SLC24A2: variants seen among roughly 807,000 people sequenced by gnomAD.
The protein encoded by SLC24A2 is solute carrier family 24 member 2, also known as sodium/potassium/calcium exchanger 2.
SLC24A2 carries 36 observed loss-of-function variants against 62.0 expected under a neutral mutation model. The observed-to-expected ratio is 0.58, with a 90% CI of 0.44 to 0.77. The LOEUF (loss-of-function observed/expected upper bound fraction) is 0.77, where lower values mean the gene tolerates loss of function less well. SLC24A2 is among the 30% of genes least tolerant of loss of function. The pLI is 0.00. For synonymous variants in SLC24A2, 358 were observed against 294.0 expected, an observed-to-expected ratio of 1.22 and a Z score of -2.23; for missense variants, 846 against 817.9, an observed-to-expected ratio of 1.03 and a Z score of -0.42.
chr9:19,790,774 T>G (rs1823309728), upstream of SLC24A2, among the ~76,000 whole-genome samples: 1 of 152,212 alleles, frequency 6.6e-6, no homozygotes, highest in Non-Finnish European at 1.5e-5. Flanking sequence ...CCTGCCTTTG[T>G]CTACTTTCCT....
At chr9:20,015,502 A>C in the SLC24A2 span, among the ~76,000 whole-genome samples, 2 of 152,332 alleles carry the variant, frequency 1.3e-5, no homozygotes, top group East Asian at 3.9e-4. Flanking sequence ...GAGAGTAAAT[A>C]TGTCTGCTGC....
chr9:19,658,761 G>A (rs79024571), intron 2 of SLC24A2, among the ~76,000 whole-genome samples: 3,539 of 152,278 alleles, frequency 0.023, 51 homozygotes, highest in Middle Eastern at 0.044. Context: ...CAGAGGTTGG[G>A]AGGAGAGAGA....
intron 2 of SLC24A2, among the ~76,000 whole-genome samples, chr9:19,748,735 C>T (rs1272016914): frequency 6.6e-6 from 1 of 151,912 alleles, no homozygotes; most frequent in Non-Finnish European, 1.5e-5. Context: ...CTAAAGACAT[C>T]CTCCTGGCTT....
intron 8 of SLC24A2, among the ~76,000 whole-genome samples, chr9:19,532,540 T>C (rs746362795): frequency 6.6e-6 from 1 of 152,230 alleles, no homozygotes; most frequent in Non-Finnish European, 1.5e-5. Context: ...CAATCTGTGA[T>C]TGTTTGAATG....
chr9:19,678,856 A>AT (rs1819631570), intron 2 of SLC24A2, among the ~76,000 whole-genome samples: 1 of 152,220 alleles, frequency 6.6e-6, no homozygotes, highest in African/African-American at 2.4e-5. Context: ...GCTAGGTGGG[A>AT]TAAAAAAATC....
At position 19,528,134 on chromosome 9, in the gene SLC24A2, G is replaced by T; in HGVS notation, c.1484C>A (p.Ser495Ter). The change falls in exon 9 of 11, where the codon TCG becomes TAG. Residue 495 changes from serine to a stop codon, truncating the protein, a stop_gained. Coordinates refer to ENST00000341998, the MANE Select transcript of SLC24A2 (RefSeq NM_020344.4). LOFTEE classifies it high-confidence loss of function. ...GAACGTGATGGGAAAAAACTTCCTC[G>T]ATGACTGAAAGACAACCAGGAAGAG... is the stretch of plus-strand genomic sequence containing the variant. ...ITLPDVRKPS[S>*]RKFFPITFFG... 1 of 1,575,420 alleles carries T rather than the reference G, an allele frequency of 6.3e-7. No homozygotes were observed. The highest frequency in any genetic ancestry group is 8.6e-7 in the Non-Finnish European group (1 of 1,156,218).
chr9:19,813,967 C>G, the SLC24A2 span, among the ~76,000 whole-genome samples: 1 of 152,134 alleles, frequency 6.6e-6, no homozygotes, highest in African/African-American at 2.4e-5. Context: ...ATTAGCTACC[C>G]AAGGTCATAG....
At chr9:20,157,376 C>T in the SLC24A2 span, among the ~76,000 whole-genome samples, 12 of 151,692 alleles carry the variant, frequency 7.9e-5, no homozygotes, top group African/African-American at 2.7e-4. Flanking sequence ...TCCATTGGCA[C>T]TATATTCTCA....
chr9:19,732,967 A>AAT (rs1438919155), intron 2 of SLC24A2, among the ~76,000 whole-genome samples: 1 of 152,176 alleles, frequency 6.6e-6, no homozygotes, highest in Admixed American at 6.5e-5. Flanking sequence ...ATAAATGAGT[A>AAT]ATAGCTAGAG....
intron 2 of SLC24A2, among the ~76,000 whole-genome samples, chr9:19,761,545 G>A (rs199691894): frequency 9.3e-5 from 14 of 151,120 alleles, no homozygotes; most frequent in African/African-American, 2.4e-4. Context: ...GGTTTGTTAC[G>A]TATGTATACA....
chr9:19,720,332 A>G (rs1166517311), intron 2 of SLC24A2, among the ~76,000 whole-genome samples: 1 of 152,144 alleles, frequency 6.6e-6, no homozygotes, highest in Non-Finnish European at 1.5e-5. Context: ...AACCACACTG[A>G]TCTGGGGCTT....
chr9:19,988,297 G>A, the SLC24A2 span, among the ~76,000 whole-genome samples: 4 of 152,192 alleles, frequency 2.6e-5, no homozygotes, highest in East Asian at 3.9e-4. Flanking sequence ...GCCCCAGATG[G>A]TCAGTCTGGG....
At chr9:19,838,881 T>C in the SLC24A2 span, among the ~76,000 whole-genome samples, 3 of 151,206 alleles carry the variant, frequency 2.0e-5, no homozygotes, top group Admixed American at 6.6e-5. Context: ...AAAGCCGAAA[T>C]TGACAAATGA....
chr9:20,267,591 G>A, the SLC24A2 span, among the ~76,000 whole-genome samples: 4 of 152,290 alleles, frequency 2.6e-5, no homozygotes, highest in East Asian at 1.9e-4. Context: ...GGCATTGGAT[G>A]CCTCACCTTT....
the SLC24A2 span, among the ~76,000 whole-genome samples, chr9:19,872,951 ATTG>A: frequency 1.3e-5 from 2 of 152,206 alleles, no homozygotes; most frequent in Non-Finnish European, 2.9e-5. Flanking sequence ...TAAATTCAAG[ATTG>A]TTAAGAGATC....
At chr9:19,974,834 G>C in the SLC24A2 span, among the ~76,000 whole-genome samples, 2 of 152,176 alleles carry the variant, frequency 1.3e-5, no homozygotes, top group Admixed American at 1.3e-4. Context: ...AATATGCAAA[G>C]GCTGCAAAAT....
chr9:20,164,310 A>C, the SLC24A2 span, among the ~76,000 whole-genome samples: 4 of 152,090 alleles, frequency 2.6e-5, no homozygotes, highest in African/African-American at 9.7e-5. Context: ...ACCCCATCAA[A>C]AAGTGGGCAA....
At chr9:20,105,487 T>C in the SLC24A2 span, among the ~76,000 whole-genome samples, 34 of 151,900 alleles carry the variant, frequency 2.2e-4, no homozygotes, top group South Asian at 3.1e-3. Context: ...ACAGAAATTA[T>C]AACAAACTGT....
chr9:19,980,499 G>A, the SLC24A2 span, among the ~76,000 whole-genome samples: 1 of 152,104 alleles, frequency 6.6e-6, no homozygotes, highest in African/African-American at 2.4e-5. Context: ...AAAGACAAAA[G>A]TAAGTCTTTC....
Sources: allele counts gnomAD v4.1 joint callset (sites outside exome capture counted in the v4.1 genomes callset), GRCh38; gene constraint gnomAD v4.1.1; transcripts MANE v1.5; gene names NCBI Gene and HGNC (gene_info 2026-07-23, HGNC 2026-07-21).